The following ZNF184 variants were observed in gnomAD, a reference collection of about 807,000 sequenced individuals.
The protein encoded by ZNF184 is zinc finger protein 184 (Kruppel-like).
ZNF184 carries 16 observed loss-of-function variants against 54.4 expected under a neutral mutation model. The observed-to-expected ratio is 0.29, with a 90% confidence interval of 0.20 to 0.45. The LOEUF (loss-of-function observed/expected upper bound fraction) is 0.45. Among genes scored for constraint, ZNF184 ranks in the 20% least tolerant of loss-of-function variants. ZNF184 has a pLI of 1.00. For missense variants in ZNF184, 681 were observed against 888.2 expected, an observed-to-expected ratio of 0.77 and a Z score of 2.97; for synonymous variants, 254 against 295.3, an observed-to-expected ratio of 0.86 and a Z score of 1.43.
At chr6:27,436,713 TA>T in the ZNF184 span, among the ~76,000 whole-genome samples, 1 of 152,224 alleles carries the variant, frequency 6.6e-6, no homozygotes, top group Non-Finnish European at 1.5e-5. Flanking sequence ...TTTTTCTCAG[TA>T]TTTGCATTAT....
the ZNF184 span, among the ~76,000 whole-genome samples, chr6:27,414,865 G>C: frequency 6.6e-6 from 1 of 151,964 alleles, no homozygotes. Context: ...GATCTCTCCT[G>C]GCCTTTACCC....
At chr6:27,457,229 G>A in intron 4 of ZNF184, 54 bp downstream of exon 4, 1 of 1,589,980 alleles carries the variant, frequency 6.3e-7, no homozygotes, top group Non-Finnish European at 8.6e-7. Context: ...GAGCACAAGA[G>A]AGAACCCTCC....
intron 3 of ZNF184, among the ~76,000 whole-genome samples, chr6:27,457,740 T>G (rs917083138): frequency 2.6e-5 from 4 of 152,216 alleles, no homozygotes; most frequent in Non-Finnish European, 4.4e-5. Flanking sequence ...GTTTAACTAT[T>G]ATCATCAATA....
the ZNF184 span, among the ~76,000 whole-genome samples, chr6:27,443,091 C>T: frequency 2.0e-5 from 3 of 152,324 alleles, no homozygotes; most frequent in Non-Finnish European, 4.4e-5. Flanking sequence ...ATGGAATTCA[C>T]AAGAAAATAC....
rs79416547 is a variant in ZNF184 at position 27,456,931 on chromosome 6, A to C, written c.203-10T>G. 1,270 of 1,609,584 alleles carry C rather than the reference A, an allele frequency of 7.9e-4. 17 individuals carry two copies. In the East Asian group the frequency reaches 0.026, roughly 32 times the overall value. On this transcript the variant is annotated splice_polypyrimidine_tract_variant and intron_variant, in intron 4 of 5. Transcript: ENST00000683788. The stretch of plus-strand genomic sequence containing the variant: ...TTAGAAACTTGGAGTCCTGTTCATT[A>C]GGGAAAAAAAGAAAGAAACCTGCAG...
chr6:27,422,148 A>AAAAAAAGAAGAAAG, the ZNF184 span, among the ~76,000 whole-genome samples: 3 of 43,456 alleles, frequency 6.9e-5, no homozygotes, highest in Admixed American at 3.3e-4. Flanking sequence ...CTCAAAAAAA[A>AAAAAAAGAAGAAAG]AAAGAAAGAA....
downstream of ZNF184, among the ~76,000 whole-genome samples, chr6:27,448,370 C>T (rs1000952809): frequency 1.3e-5 from 2 of 152,218 alleles, no homozygotes; most frequent in Non-Finnish European, 2.9e-5. Flanking sequence ...CTTACCTGGA[C>T]TACTAGCATT....
At chr6:27,459,556 G>A (rs1461255264) in intron 3 of ZNF184, among the ~76,000 whole-genome samples, 1 of 152,128 alleles carries the variant, frequency 6.6e-6, no homozygotes, top group Non-Finnish European at 1.5e-5. Flanking sequence ...GTGCTCATGT[G>A]TCCTATGGTG....
At chr6:27,459,398 G>A (rs1762943771) in intron 3 of ZNF184, among the ~76,000 whole-genome samples, 1 of 151,190 alleles carries the variant, frequency 6.6e-6, no homozygotes, top group Non-Finnish European at 1.5e-5. Flanking sequence ...AAAAAAAAAA[G>A]ATCAACTACC....
At chr6:27,423,811 C>T in the ZNF184 span, among the ~76,000 whole-genome samples, 1 of 152,162 alleles carries the variant, frequency 6.6e-6, no homozygotes, top group Non-Finnish European at 1.5e-5. Context: ...TTCACATATT[C>T]ATTTTAAACT....
chr6:27,427,302 G>C, the ZNF184 span, among the ~76,000 whole-genome samples: 1 of 152,218 alleles, frequency 6.6e-6, no homozygotes, highest in South Asian at 2.1e-4. Context: ...TGAACCACAT[G>C]ACTGTTCATA....
the ZNF184 span, among the ~76,000 whole-genome samples, chr6:27,427,655 C>T: frequency 6.6e-6 from 1 of 152,222 alleles, no homozygotes; most frequent in African/African-American, 2.4e-5. Flanking sequence ...TCAAGACCCA[C>T]ATTTCCAGCT....
At chr6:27,422,147 A>AGAAAGAAAG in the ZNF184 span, among the ~76,000 whole-genome samples, 1 of 49,756 alleles carries the variant, frequency 2.0e-5, no homozygotes, top group African/African-American at 8.0e-5. Context: ...CCTCAAAAAA[A>AGAAAGAAAG]AAAAGAAAGA....
Position 27,465,016 on chromosome 6 carries a change from C to CAAAA in ZNF184, c.75+2833_75+2836dup, listed in dbSNP as rs61602778. Among the ~76,000 whole-genome samples, 279 of 48,600 alleles carry CAAAA rather than the reference C, an allele frequency of 5.7e-3. 21 individuals are homozygous for CAAAA. The highest frequency in any genetic ancestry group is 0.016 in the African/African-American group (136 of 8,664). 31.9% of individuals were successfully genotyped at this position (48,600 alleles called of 152,430 possible). A position where few individuals can be genotyped will look rare whatever the true frequency, so the allele number is the denominator to read the frequency against. On this transcript the variant is annotated intron_variant, in intron 3 of 5. Transcript: ENST00000683788. ...TGGGCGACAGAGCAAGACTCTGTCTCAAAAAAAAAAAAAAAAAAAAATAGA... is the reference window on the plus strand; with the variant it reads ...TGGGCGACAGAGCAAGACTCTGTCTCAAAAAAAAAAAAAAAAAAAAAAAAATAGA...
chr6:27,446,436 C>G (rs1207095859), downstream of ZNF184, among the ~76,000 whole-genome samples: 1 of 152,218 alleles, frequency 6.6e-6, no homozygotes, highest in Non-Finnish European at 1.5e-5. Context: ...CCATGTGGTG[C>G]TGATGCAGCA....
chr6:27,425,077 G>A, the ZNF184 span, among the ~76,000 whole-genome samples: 2 of 152,216 alleles, frequency 1.3e-5, no homozygotes. Context: ...CAGGTGCCAA[G>A]CCCCTCATTG....
At chr6:27,408,634 G>A in the ZNF184 span, among the ~76,000 whole-genome samples, 1 of 152,174 alleles carries the variant, frequency 6.6e-6, no homozygotes, top group Non-Finnish European at 1.5e-5. Context: ...GCTAGCTTAA[G>A]TGATTAATCT....
chr6:27,459,768 T>G (rs1762952258), intron 3 of ZNF184, among the ~76,000 whole-genome samples: 1 of 152,208 alleles, frequency 6.6e-6, no homozygotes, highest in East Asian at 1.9e-4. Flanking sequence ...ACATGCCCAT[T>G]AATAGGATAG....
the ZNF184 span, among the ~76,000 whole-genome samples, chr6:27,419,613 T>G: frequency 2.0e-5 from 3 of 152,156 alleles, no homozygotes; most frequent in Non-Finnish European, 4.4e-5. The surrounding 1 kb of genome is among the most constrained non-coding windows in gnomAD (Gnocchi z 4.8). Flanking sequence ...AAAGCTTTCT[T>G]AAGCCCAGGC....
Sources: gnomAD v4.1 joint callset for allele counts (sites outside exome capture counted in the v4.1 genomes callset) on GRCh38, gnomAD v4.1.1 for gene constraint, Gnocchi (gnomAD v3.1) non-coding constraint, MANE v1.5 for transcripts, NCBI Gene and HGNC (gene_info 2026-07-23, HGNC 2026-07-21) for gene names.